CAP2: variants seen among roughly 807,000 people sequenced by gnomAD.
CAP2 encodes the protein cyclase associated actin cytoskeleton regulatory protein 2.
In CAP2, 24 loss-of-function variants were observed where a neutral mutation model predicts 57.7. The observed-to-expected ratio is 0.42, with a 90% CI of 0.30 to 0.58. The LOEUF (loss-of-function observed/expected upper bound fraction) is 0.58. Among genes scored for constraint, CAP2 ranks in the 20% least tolerant of loss-of-function variants. The probability of loss-of-function intolerance (pLI) is 0.22; values close to 1 mark genes in which losing one functional copy is unlikely to be tolerated. For missense variants in CAP2, 501 were observed against 590.3 expected (o/e 0.85, Z 1.57); for synonymous variants, 194 against 207.2 (o/e 0.94, Z 0.55).
At chr6:17,487,618 C>T (rs986103638) in intron 4 of CAP2, among the ~76,000 whole-genome samples, 51 of 152,094 alleles carry the variant, frequency 3.4e-4, no homozygotes, top group African/African-American at 1.0e-3. Context: ...TACAGGCACC[C>T]GCCACCACGC....
rs1354406258 is a variant in CAP2, at chr6:17,542,943, T to C, written c.1109T>C (p.Val370Ala). Residue 370 changes from valine to alanine, a missense_variant, in exon 10 of 13, where the codon GTA (valine) becomes GCA (alanine). Coordinates refer to ENST00000229922, the MANE Select transcript of CAP2 (RefSeq NM_006366.3). ...TCAACTATTCAGATAAAAGGGAAAG[T>C]AAACTCCATTATAATTGGTAGGGCA... ...EKSTIQIKGK[V>A]NSIIIDNCKK... The C allele has an allele frequency of 1.2e-6, 2 of 1,613,712 alleles. No homozygotes were observed. Among genetic ancestry groups the C allele is most frequent in the Admixed American group, 3.3e-5 (2 of 59,998 alleles).
In CAP2 at chr6:17,541,035, G is replaced by A. The variant is rs949573378; in HGVS notation, c.889G>A (p.Gly297Arg). The change falls in exon 9 of 13, where the codon GGG becomes AGG. Residue 297 changes from glycine (G) to arginine (R), a missense_variant. Physicochemically the swap from Gly to Arg is moderately radical, Grantham distance 125. Transcript: ENST00000229922. ...AAATCCCAGCCTGCGGGCTCAAGGAGGGCAAACTCAATCTCCCACCAAAAG... is the reference window on the plus strand; with the variant it reads ...AAATCCCAGCCTGCGGGCTCAAGGAAGGCAAACTCAATCTCCCACCAAAAG... ...YKNPSLRAQG[G>R]QTQSPTKSHT... is the part of the protein sequence containing the mutation. The A allele has an allele frequency of 6.2e-7, 1 of 1,614,082 alleles. No homozygotes were observed. Among genetic ancestry groups the A allele is most frequent in the Non-Finnish European group, 8.5e-7 (1 of 1,179,972 alleles).
At chr6:17,477,287 G>T (rs1761175500) in intron 4 of CAP2, among the ~76,000 whole-genome samples, 1 of 152,162 alleles carries the variant, frequency 6.6e-6, no homozygotes, top group Admixed American at 6.5e-5. Flanking sequence ...TGAGATGCAG[G>T]GCTGCCTGCG....
chr6:17,539,165 C>T, intron 7 of CAP2, 104 bp from the exon 8 acceptor site: 1 of 1,072,590 alleles, frequency 9.3e-7, no homozygotes, highest in African/African-American at 1.6e-5. Flanking sequence ...GCTCAGGCTT[C>T]AACCCCACTC....
intron 4 of CAP2, among the ~76,000 whole-genome samples, chr6:17,472,207 G>A (rs868090675): frequency 0.018 from 1,376 of 78,560 alleles, 552 homozygotes; most frequent in African/African-American, 0.086. Flanking sequence ...AGTGGCGGGC[G>A]CCTGTAGTCC....
At chr6:17,529,682 A>T (rs1373630255) in intron 7 of CAP2, among the ~76,000 whole-genome samples, 1 of 149,796 alleles carries the variant, frequency 6.7e-6, no homozygotes, top group Non-Finnish European at 1.5e-5. Flanking sequence ...GTATAAACAC[A>T]CCCTACAGTA....
At chr6:17,516,544 C>T (rs1762277174) in intron 7 of CAP2, among the ~76,000 whole-genome samples, 1 of 152,180 alleles carries the variant, frequency 6.6e-6, no homozygotes, top group Non-Finnish European at 1.5e-5. Context: ...ACCAAAATCT[C>T]ACAAATTACC....
chr6:17,433,142 G>A (rs73367899), intron 3 of CAP2, among the ~76,000 whole-genome samples: 13,341 of 152,026 alleles, frequency 0.088, 1,973 homozygotes, highest in African/African-American at 0.31. Flanking sequence ...ACCTTGGCAG[G>A]CACCTACTTT....
rs185854960 is a variant in CAP2 at position 17,418,803 on chromosome 6, C to T, written c.-1-2752C>T. ...GGGCTTTCATCATTTCTCAAATGGCCTTCACCCACCTACAGGATACCCAGC... is the reference window on the plus strand; with the variant it reads ...GGGCTTTCATCATTTCTCAAATGGCTTTCACCCACCTACAGGATACCCAGC... On this transcript the variant is annotated intron_variant, in intron 1 of 12. Coordinates refer to ENST00000229922, the MANE Select transcript of CAP2 (RefSeq NM_006366.3). Among the ~76,000 whole-genome samples the T allele has an allele frequency of 2.6e-3, 402 of 152,284 alleles. 5 individuals carry two copies. Among genetic ancestry groups the T allele is most frequent in the African/African-American group, 9.1e-3 (377 of 41,570 alleles).
Position 17,551,454 on chromosome 6 carries a change from C to A in CAP2, c.1210-10C>A, listed in dbSNP as rs750897225. The A allele has an allele frequency of 1.5e-5, 23 of 1,576,058 alleles. No individual in the cohort carries two copies. The Middle Eastern group carries it at 8.5e-4, about 58-fold the overall frequency. ...TTTGCTTTGGTCCCAGGTATTTTTT[C>A]CTATTTCAGGTAATGGGGAGAGTGC... On this transcript the variant is annotated splice_polypyrimidine_tract_variant and intron_variant, in intron 11 of 12. Transcript: ENST00000229922.
At chr6:17,470,806 C>T (rs964847823) in intron 4 of CAP2, among the ~76,000 whole-genome samples, 4 of 152,206 alleles carry the variant, frequency 2.6e-5, no homozygotes, top group Non-Finnish European at 5.9e-5. Context: ...TGAGCTCTTT[C>T]TCTGTGGAAA....
chr6:17,547,577 C>T (rs761525124), intron 11 of CAP2, among the ~76,000 whole-genome samples: 2 of 152,192 alleles, frequency 1.3e-5, no homozygotes, highest in African/African-American at 2.4e-5. Context: ...CACGGTGGCT[C>T]ACGCCTGTAA....
intron 4 of CAP2, among the ~76,000 whole-genome samples, chr6:17,498,377 A>G (rs1355188427): frequency 6.6e-6 from 1 of 152,246 alleles, no homozygotes; most frequent in African/African-American, 2.4e-5. Flanking sequence ...GGATACAAAA[A>G]TGACTTCAGA....
chr6:17,461,413 G>A (rs1379087011), intron 3 of CAP2, among the ~76,000 whole-genome samples: 1 of 151,824 alleles, frequency 6.6e-6, no homozygotes, highest in Non-Finnish European at 1.5e-5. Context: ...TTTTAGTAGA[G>A]ACAGGGTTTC....
rs573928325 is a variant in CAP2, at chr6:17,530,820, T to A, written c.637-8449T>A. ...TTTTTCATTTTTTTGGTCTCCCACT[T>A]TTTTTTTTTTCAGTTTGAGAGCAGG... On this transcript the variant is annotated intron_variant, in intron 7 of 12. Transcript: ENST00000229922. 6 of 575,640 alleles carry A rather than the reference T, an allele frequency of 1.0e-5. No homozygotes were observed. In the East Asian group the frequency reaches 2.0e-4, roughly 19 times the overall value. 35.7% of individuals were successfully genotyped at this position (575,640 alleles called of 1,614,324 possible). A position where few individuals can be genotyped will look rare whatever the true frequency, so the allele number is the denominator to read the frequency against.
rs1334723612 is a variant in CAP2, at chr6:17,556,697, A to C, written c.*255A>C. On this transcript the variant is annotated 3_prime_UTR_variant, in exon 13 of 13. Coordinates refer to ENST00000229922, the MANE Select transcript of CAP2 (RefSeq NM_006366.3). ...TTGTGAACATTAGGGATTTAAAGGA[A>C]AAAAAAAAAGAATTCTGTTCCCCTC... 2.4e-6 allele frequency: 1 copy of C among 413,164 alleles called. No individual in the cohort carries two copies. The highest frequency in any genetic ancestry group is 4.3e-6 in the Non-Finnish European group (1 of 230,496). The allele number at this position is 413,164 out of a possible 1,614,324, so 25.6% of individuals were successfully genotyped here. A position where few individuals can be genotyped will look rare whatever the true frequency, so the allele number is the denominator to read the frequency against.
At chr6:17,427,608 CA>C (rs113060001) in intron 3 of CAP2, among the ~76,000 whole-genome samples, 16,489 of 123,730 alleles carry the variant, frequency 0.13, 2,626 homozygotes, top group African/African-American at 0.38. Context: ...GTTGGCTCCT[CA>C]AAAAAAAAAA....
chr6:17,532,759 A>C, intron 7 of CAP2, among the ~76,000 whole-genome samples: 1 of 141,282 alleles, frequency 7.1e-6, no homozygotes, highest in East Asian at 2.1e-4. Context: ...AAACACACAC[A>C]CACAAAAAAA....
chr6:17,460,738 C>A (rs114328230), intron 3 of CAP2, among the ~76,000 whole-genome samples: 2 of 152,064 alleles, frequency 1.3e-5, no homozygotes, highest in South Asian at 4.1e-4. Flanking sequence ...TACATCTCTA[C>A]GATTCAATCA....
Sources: gnomAD v4.1 joint callset for allele counts (sites outside exome capture counted in the v4.1 genomes callset) on GRCh38, gnomAD v4.1.1 for gene constraint, MANE v1.5 for transcripts, NCBI Gene and HGNC (gene_info 2026-07-23, HGNC 2026-07-21) for gene names.